The following CNTNAP2 variants were observed in gnomAD, a reference collection of about 807,000 sequenced individuals.
CNTNAP2 encodes the protein contactin associated protein 2, also known as contactin-associated protein-like 2.
CNTNAP2 carries 98 observed loss-of-function variants against 155.2 expected under a neutral mutation model. The observed-to-expected ratio is 0.63, with a 90% CI of 0.54 to 0.75. The LOEUF is 0.75. CNTNAP2 is among the 30% of genes least tolerant of loss of function. The pLI, the probability that CNTNAP2 is intolerant of heterozygous loss-of-function variation, is 0.00. For missense variants in CNTNAP2, 1,727 were observed against 1,688.1 expected, an observed-to-expected ratio of 1.02 and a Z score of -0.40; for synonymous variants, 651 against 631.2, an observed-to-expected ratio of 1.03 and a Z score of -0.47.
chr7:148,069,016 C>A (rs1448394602), intron 15 of CNTNAP2, among the ~76,000 whole-genome samples: 1 of 152,204 alleles, frequency 6.6e-6, no homozygotes, highest in East Asian at 1.9e-4. Context: ...TTTCCCTTCC[C>A]TGCACTGAGA....
intron 13 of CNTNAP2, among the ~76,000 whole-genome samples, chr7:147,667,305 T>A (rs2116960637): frequency 6.6e-6 from 1 of 152,330 alleles, no homozygotes; most frequent in Non-Finnish European, 1.5e-5. Context: ...GAAACCTCTG[T>A]ATTCTGGAAA....
At chr7:146,790,263 T>A (rs1802647203) in intron 2 of CNTNAP2, among the ~76,000 whole-genome samples, 2 of 152,224 alleles carry the variant, frequency 1.3e-5, no homozygotes. Context: ...TTCTAAAGAC[T>A]GTTTCCAAGA....
intron 1 of CNTNAP2, among the ~76,000 whole-genome samples, chr7:146,160,047 A>T (rs1210001305): frequency 6.6e-6 from 1 of 152,196 alleles, no homozygotes; most frequent in Non-Finnish European, 1.5e-5. Flanking sequence ...CTCACTCCAA[A>T]CTAAACAACT....
chr7:146,930,396 T>G (rs1262548337), intron 3 of CNTNAP2, among the ~76,000 whole-genome samples: 1 of 151,948 alleles, frequency 6.6e-6, no homozygotes, highest in Non-Finnish European at 1.5e-5. Context: ...GCTGAGAGAT[T>G]TTGTCACCAC....
chr7:148,011,904 T>G (rs1802088519), intron 15 of CNTNAP2, among the ~76,000 whole-genome samples: 1 of 152,146 alleles, frequency 6.6e-6, no homozygotes, highest in Non-Finnish European at 1.5e-5. Flanking sequence ...GATGTAGCCT[T>G]CAGGGGCCTC....
Position 148,381,805 on chromosome 7 carries a change from C to G in CNTNAP2, c.3476-1844C>G, listed in dbSNP as rs886372896. 2.6e-5 allele frequency among the ~76,000 whole-genome samples: 4 copies of G among 152,288 alleles called. No homozygotes were observed. The East Asian group carries it at 7.7e-4, about 29-fold the overall frequency. The stretch of plus-strand genomic sequence containing the variant: ...TCTACCATTGTATCAATATTATTAT[C>G]ACATGGCCCTGAGTTGGAACCATCA... On this transcript the variant is annotated intron_variant, in intron 21 of 23. Transcript: ENST00000361727.
intron 20 of CNTNAP2, among the ~76,000 whole-genome samples, chr7:148,254,836 G>A (rs1343224627): frequency 6.8e-6 from 1 of 146,832 alleles, no homozygotes; most frequent in African/African-American, 2.5e-5. Context: ...CATCATATTT[G>A]TTAATATCTA....
At chr7:146,417,252 TTA>T (rs1795950330) in intron 1 of CNTNAP2, among the ~76,000 whole-genome samples, 1 of 152,172 alleles carries the variant, frequency 6.6e-6, no homozygotes. Flanking sequence ...TTGGCAAAGC[TTA>T]TGAGACTTTA....
intron 14 of CNTNAP2, among the ~76,000 whole-genome samples, chr7:147,944,656 G>T (rs186876146): frequency 6.6e-6 from 1 of 152,270 alleles, no homozygotes; most frequent in African/African-American, 2.4e-5. Context: ...TTTCTAGTCT[G>T]CCATTGTTTT....
At chr7:146,831,495 G>A (rs1348862340) in intron 2 of CNTNAP2, among the ~76,000 whole-genome samples, 5 of 151,704 alleles carry the variant, frequency 3.3e-5, no homozygotes, top group Admixed American at 6.6e-5. Context: ...AGTCAACATG[G>A]TGAAACCGTG....
chr7:146,697,843 T>C (rs1290402176), intron 1 of CNTNAP2, among the ~76,000 whole-genome samples: 2 of 152,140 alleles, frequency 1.3e-5, no homozygotes, highest in South Asian at 2.1e-4. Flanking sequence ...TTCTAGCCAT[T>C]GTCCTTGTTT....
intron 3 of CNTNAP2, among the ~76,000 whole-genome samples, chr7:146,932,788 C>A (rs1385055333): frequency 2.0e-5 from 3 of 151,894 alleles, no homozygotes; most frequent in Admixed American, 6.6e-5. Flanking sequence ...TCTTATACAC[C>A]AATAACAGAC....
At chr7:146,235,955 T>A (rs1040674826) in intron 1 of CNTNAP2, among the ~76,000 whole-genome samples, 2 of 72,622 alleles carry the variant, frequency 2.8e-5, no homozygotes, top group Non-Finnish European at 6.8e-5. Context: ...TATGGAAATG[T>A]GTGTGTGTGT....
chr7:147,208,860 A>G (rs919893544), intron 8 of CNTNAP2, among the ~76,000 whole-genome samples: 5 of 152,020 alleles, frequency 3.3e-5, no homozygotes, highest in African/African-American at 1.2e-4. Context: ...GTCACATTAA[A>G]GAAAATAATA....
chr7:148,049,436 A>ATT (rs3056204), intron 15 of CNTNAP2, among the ~76,000 whole-genome samples: 34,178 of 151,952 alleles, frequency 0.22, 5,032 homozygotes, highest in East Asian at 0.49. Context: ...TATTTCTAAG[A>ATT]TTTTTTAATG....
intron 21 of CNTNAP2, among the ~76,000 whole-genome samples, chr7:148,338,560 G>A (rs541180246): frequency 1.3e-5 from 2 of 150,076 alleles, no homozygotes; most frequent in Admixed American, 6.7e-5. Context: ...GTGGGGGGGT[G>A]AGGGGGGGGT....
intron 4 of CNTNAP2, among the ~76,000 whole-genome samples, chr7:147,096,678 C>T (rs187818251): frequency 7.3e-4 from 111 of 152,314 alleles, no homozygotes; most frequent in Admixed American, 1.7e-3. Flanking sequence ...ATCATTTTAT[C>T]TCTGTCAGGA....
chr7:146,918,507 T>G (rs1042788618), intron 3 of CNTNAP2, among the ~76,000 whole-genome samples: 1 of 152,226 alleles, frequency 6.6e-6, no homozygotes, highest in African/African-American at 2.4e-5. Context: ...AAGATAGGAC[T>G]CCAGTCCCTT....
intron 13 of CNTNAP2, among the ~76,000 whole-genome samples, chr7:147,687,631 G>A (rs1400342214): frequency 6.6e-6 from 1 of 152,004 alleles, no homozygotes; most frequent in Non-Finnish European, 1.5e-5. Flanking sequence ...TTTGACCATG[G>A]GTAGGAGGAG....
Sources: allele counts gnomAD v4.1 joint callset (sites outside exome capture counted in the v4.1 genomes callset), GRCh38; gene constraint gnomAD v4.1.1; transcripts MANE v1.5; gene names NCBI Gene and HGNC (gene_info 2026-07-23, HGNC 2026-07-21).